Variants in CACNB4 observed in about 807,000 individuals in gnomAD.
CACNB4 encodes the protein calcium voltage-gated channel auxiliary subunit beta 4, also known as voltage-dependent L-type calcium channel subunit beta-4.
CACNB4 carries 32 observed loss-of-function variants against 71.2 expected under a neutral mutation model. That is an observed-to-expected ratio of 0.45 (90% CI 0.34 to 0.60). The LOEUF is 0.60. CACNB4 is among the 20% of genes least tolerant of loss of function. The pLI, the probability that CACNB4 is intolerant of heterozygous loss-of-function variation, is 0.01. For synonymous variants in CACNB4, 231 were observed against 236.9 expected (o/e 0.97, Z 0.23); for missense variants, 464 against 647.9 (o/e 0.72, Z 3.08).
chr2:151,890,130 A>T (rs1339224942), intron 2 of CACNB4, among the ~76,000 whole-genome samples: 1 of 152,198 alleles, frequency 6.6e-6, no homozygotes, highest in African/African-American at 2.4e-5. Flanking sequence ...TCTTGAAATT[A>T]TATCGCCGAG....
At chr2:151,947,751 T>G (rs1388846152) in intron 2 of CACNB4, among the ~76,000 whole-genome samples, 1 of 152,170 alleles carries the variant, frequency 6.6e-6, no homozygotes, top group Non-Finnish European at 1.5e-5. Context: ...CAGCACTTCC[T>G]GCAGGCACCT....
chr2:151,931,575 T>C (rs1424884810), intron 2 of CACNB4, among the ~76,000 whole-genome samples: 1 of 152,138 alleles, frequency 6.6e-6, no homozygotes, highest in South Asian at 2.1e-4. Context: ...CAAAGCACAT[T>C]TGGAAGCTCC....
chr2:152,018,219 G>A (rs1268354899), intron 2 of CACNB4, among the ~76,000 whole-genome samples: 5 of 152,056 alleles, frequency 3.3e-5, no homozygotes, highest in African/African-American at 1.2e-4. Context: ...GAAATGGGCT[G>A]GAGGAATTAG....
intron 2 of CACNB4, among the ~76,000 whole-genome samples, chr2:152,083,832 T>C (rs551552016): frequency 1.3e-5 from 2 of 152,300 alleles, no homozygotes; most frequent in East Asian, 3.9e-4. Flanking sequence ...TCACTCTCTT[T>C]CTGCCCAGGC....
chr2:151,870,052 T>C (rs908363565), intron 8 of CACNB4: 16 of 583,724 alleles, frequency 2.7e-5, no homozygotes, highest in Admixed American at 3.1e-5. Flanking sequence ...TTAAAACATG[T>C]GCCCTTTAAA....
intron 2 of CACNB4, among the ~76,000 whole-genome samples, chr2:152,004,730 C>T (rs528032728): frequency 1.3e-5 from 2 of 152,346 alleles, no homozygotes; most frequent in African/African-American, 4.8e-5. Flanking sequence ...CGCAGCACCA[C>T]TTAGCTGGGC....
rs188626952 is a variant in CACNB4 at position 152,045,549 on chromosome 2, C to T, written c.147+52781G>A. On this transcript the variant is annotated intron_variant, in intron 2 of 13. Transcript: ENST00000539935. ...GAGCAAAAATTCTGCATCTAATGTA[C>T]TTAGTGCCATTGAATGTATACTTAA... 1.4e-3 allele frequency among the ~76,000 whole-genome samples: 213 copies of T among 152,042 alleles called. 1 individual carries two copies. Among genetic ancestry groups the T allele is most frequent in the African/African-American group, 5.0e-3 (207 of 41,458 alleles).
intron 2 of CACNB4, chr2:151,972,440 C>T (rs896956293): frequency 6.6e-6 from 1 of 152,364 alleles, no homozygotes; most frequent in African/African-American, 2.4e-5. Flanking sequence ...ACCCCACCTG[C>T]AAGTGTGGAC....
At chr2:152,019,656 A>C (rs1161481892) in intron 2 of CACNB4, among the ~76,000 whole-genome samples, 1 of 152,214 alleles carries the variant, frequency 6.6e-6, no homozygotes, top group Admixed American at 6.5e-5. Flanking sequence ...ATATCTCCCC[A>C]AAAAATGGAA....
intron 12 of CACNB4, chr2:151,852,078 G>A (rs1210894678): frequency 6.6e-6 from 1 of 152,182 alleles, no homozygotes; most frequent in Non-Finnish European, 1.5e-5. Context: ...GGGTGGATGG[G>A]TTAGGGGGTA....
chr2:151,880,844 T>G lies in CACNB4; in HGVS notation c.346A>C (p.Thr116Pro). 1 of 1,613,732 alleles carries G rather than the reference T, an allele frequency of 6.2e-7. No individual in the cohort carries two copies. Among genetic ancestry groups the G allele is most frequent in the Non-Finnish European group, 8.5e-7 (1 of 1,179,750 alleles). The change falls in exon 4 of 14, where the codon ACA becomes CCA. Residue 116 changes from threonine (T) to proline (P), a missense_variant. By Grantham distance (38) the Thr-to-Pro change is conservative (BLOSUM62 -1). Around this residue, in one of 3 missense-constraint regions of CACNB4, gnomAD observed 299 missense variants for 471.7 expected, o/e 0.63. Transcript: ENST00000539935. ...ALDEDVPVPS[T>P]AISFDAKDFL... is the part of the protein sequence containing the mutation. ...TCTTTAGCATCAAAGGAGATAGCTG[T>G]GCTTGGAACAGGCACATCCTCGTCC...
chr2:151,948,699 G>A (rs1305148075), intron 2 of CACNB4, among the ~76,000 whole-genome samples: 1 of 151,986 alleles, frequency 6.6e-6, no homozygotes, highest in Admixed American at 6.6e-5. Context: ...CAGATGTAAT[G>A]GAAGCAGCAG....
intron 2 of CACNB4, among the ~76,000 whole-genome samples, chr2:152,026,053 C>T (rs2105155188): frequency 6.6e-6 from 1 of 152,262 alleles, no homozygotes; most frequent in South Asian, 2.1e-4. Flanking sequence ...GGCGCAGGGC[C>T]GAGGCCACCA....
chr2:151,933,194 C>G (rs1425005309), intron 2 of CACNB4, among the ~76,000 whole-genome samples: 1 of 150,360 alleles, frequency 6.7e-6, no homozygotes, highest in Middle Eastern at 3.4e-3. Flanking sequence ...AAGCAAAAAC[C>G]ATAATTACTT....
At position 152,090,669 on chromosome 2, in the gene CACNB4, A is replaced by AT. The variant is rs1404339715; in HGVS notation, c.147+7660dup. Among the ~76,000 whole-genome samples the AT allele has an allele frequency of 2.0e-5, 3 of 151,874 alleles. No individual in the cohort carries two copies. The East Asian group carries it at 5.8e-4, about 29-fold the overall frequency. The stretch of plus-strand genomic sequence containing the variant: ...AAAAAAAAAAAAGAAAAAAAGAAAG[A>AT]TAAAAACTTGAATCAGAACTTACCT... On this transcript the variant is annotated intron_variant, in intron 2 of 13. Transcript: ENST00000539935.
In CACNB4 at chr2:151,834,696, A is replaced by G. The variant is rs1432907247; in HGVS notation, c.*4423T>C. The G allele has an allele frequency of 6.6e-6, 1 of 151,986 alleles. No homozygotes were observed. Among genetic ancestry groups the G allele is most frequent in the East Asian group, 1.9e-4 (1 of 5,204 alleles). The allele number at this position is 151,986 out of a possible 1,614,324, so 9.4% of individuals were successfully genotyped here. Reference sequence around the variant, plus strand: ...TATTGTCTGTCTAACAGCTAATTGGATTGACTTGACTGGTTTGATCATGAT... The same window carrying G: ...TATTGTCTGTCTAACAGCTAATTGGGTTGACTTGACTGGTTTGATCATGAT... On this transcript the variant is annotated 3_prime_UTR_variant, in exon 14 of 14. Coordinates refer to ENST00000539935, the MANE Select transcript of CACNB4 (RefSeq NM_000726.5).
At chr2:151,983,841 C>T (rs1295035313) in intron 2 of CACNB4, among the ~76,000 whole-genome samples, 1 of 152,128 alleles carries the variant, frequency 6.6e-6, no homozygotes, top group East Asian at 1.9e-4. Flanking sequence ...ATGTATCTCA[C>T]GGCACCCCTA....
intron 2 of CACNB4, among the ~76,000 whole-genome samples, chr2:151,986,476 C>T (rs1318214933): frequency 6.6e-6 from 1 of 152,094 alleles, no homozygotes; most frequent in Non-Finnish European, 1.5e-5. Context: ...CCCTTCAACC[C>T]ACTCCCAATC....
At chr2:151,894,976 G>A (rs1055803074) in intron 2 of CACNB4, among the ~76,000 whole-genome samples, 1 of 151,920 alleles carries the variant, frequency 6.6e-6, no homozygotes, top group Non-Finnish European at 1.5e-5. Context: ...TCATTAAAAT[G>A]ACCATATTAC....
Sources: allele counts gnomAD v4.1 joint callset (sites outside exome capture counted in the v4.1 genomes callset), GRCh38; gene constraint gnomAD v4.1.1; regional missense constraint gnomAD v4.1.1; transcripts MANE v1.5; gene names NCBI Gene and HGNC (gene_info 2026-07-23, HGNC 2026-07-21).